Variants in IDE observed in about 807,000 individuals in gnomAD.
The protein encoded by IDE is insulin-degrading enzyme.
A neutral mutation model predicts 133.2 loss-of-function variants in IDE; 58 were observed. The observed-to-expected ratio is 0.44, with a 90% confidence interval of 0.35 to 0.54. The LOEUF (loss-of-function observed/expected upper bound fraction) is 0.54, where lower values mean the gene tolerates loss of function less well. Among genes scored for constraint, IDE ranks in the 20% least tolerant of loss-of-function variants. IDE has a pLI of 0.00. For synonymous variants in IDE, 396 were observed against 421.3 expected (o/e 0.94, Z 0.73); for missense variants, 981 against 1,234.0 (o/e 0.79, Z 3.07).
In IDE at chr10:92,453,912, TA is replaced by T. The variant is rs1456105770; in HGVS notation, c.*531del. 1 of 152,254 alleles carries T rather than the reference TA, an allele frequency of 6.6e-6. No individual in the cohort carries two copies. The highest frequency in any genetic ancestry group is 1.9e-4 in the East Asian group (1 of 5,198). The allele number at this position is 152,254 out of a possible 1,614,324, so 9.4% of individuals were successfully genotyped here. A position where few individuals can be genotyped will look rare whatever the true frequency, so the allele number is the denominator to read the frequency against. Reference sequence around the variant, plus strand: ...AAAAAGATTAAAACCATGCCTTATATAACCAGCATTTCACTAATAAAAGATG... The same window carrying T: ...AAAAAGATTAAAACCATGCCTTATATACCAGCATTTCACTAATAAAAGATG... On this transcript the variant is annotated 3_prime_UTR_variant, in exon 25 of 25. Transcript: ENST00000265986.
At chr10:92,492,933 G>A (rs1847449987) in intron 11 of IDE, among the ~76,000 whole-genome samples, 1 of 152,174 alleles carries the variant, frequency 6.6e-6, no homozygotes, top group Non-Finnish European at 1.5e-5. Flanking sequence ...AAAGCAAGAT[G>A]ACTCACCTGT....
intron 1 of IDE, among the ~76,000 whole-genome samples, chr10:92,558,093 C>A (rs904330803): frequency 3.3e-5 from 5 of 152,110 alleles, no homozygotes; most frequent in African/African-American, 4.8e-5. Flanking sequence ...GCTCTTGTTG[C>A]CCAGGCTGGA....
At position 92,569,402 on chromosome 10, in the gene IDE, G is replaced by A. The variant is rs577529757; in HGVS notation, c.98+4520C>T. ...TGTGATGATAAGAATCAACTAGTAG[G>A]GAGACAGAAGGCTGGAAAAGTCAGT... On this transcript the variant is annotated intron_variant, in intron 1 of 24. Coordinates refer to ENST00000265986, the MANE Select transcript of IDE (RefSeq NM_004969.4). 3.9e-5 allele frequency among the ~76,000 whole-genome samples: 6 copies of A among 152,328 alleles called. No individual in the cohort carries two copies. In the South Asian group the frequency reaches 1.0e-3, roughly 26 times the overall value.
chr10:92,477,788 G>T (rs149802292), intron 15 of IDE, among the ~76,000 whole-genome samples: 61 of 152,242 alleles, frequency 4.0e-4, no homozygotes, highest in African/African-American at 1.5e-3. Context: ...GAAAACAGAT[G>T]ATTACTTTTC....
At chr10:92,482,899 G>C (rs1846703323) in intron 14 of IDE, among the ~76,000 whole-genome samples, 1 of 151,804 alleles carries the variant, frequency 6.6e-6, no homozygotes, top group South Asian at 2.1e-4. Context: ...TCCTGCCTCA[G>C]CCTCCTGAGT....
intron 15 of IDE, 31 bp downstream of exon 15, chr10:92,479,246 G>C: frequency 6.7e-7 from 1 of 1,496,350 alleles, no homozygotes; most frequent in Non-Finnish European, 9.1e-7. Context: ...AAATGTTGAT[G>C]AGTGGAAGGC....
At chr10:92,507,083 A>G (rs1401245040) in intron 9 of IDE, among the ~76,000 whole-genome samples, 4 of 148,516 alleles carry the variant, frequency 2.7e-5, no homozygotes, top group African/African-American at 4.9e-5. Context: ...TAAAAATTTG[A>G]AAGACAAACA....
chr10:92,510,134 C>T lies in IDE; in HGVS notation c.813G>A (p.Val271=). 1.3e-6 allele frequency: 2 copies of T among 1,592,726 alleles called. No individual in the cohort carries two copies. Among genetic ancestry groups the T allele is most frequent in the Non-Finnish European group, 1.7e-6 (2 of 1,162,922 alleles). ...RESLDDLTNL[V]VKLFSEVENK... is the part of the protein sequence containing the mutation. ...TCTCTACTTCAGAAAATAACTTTAC[C>T]ACCAGATTAGTCAAGTCATCTAAAG... Residue 271 remains valine, a synonymous_variant, in exon 6 of 25, where the codon GTG becomes GTA. Coordinates refer to ENST00000265986, the MANE Select transcript of IDE (RefSeq NM_004969.4).
chr10:92,572,879 C>G (rs1373049189), intron 1 of IDE: 1 of 985,134 alleles, frequency 1.0e-6, no homozygotes, highest in East Asian at 1.1e-4. Context: ...ACACACTACC[C>G]ATACTACCCA....
chr10:92,465,166 G>A (rs1845610659), intron 20 of IDE, among the ~76,000 whole-genome samples: 1 of 152,044 alleles, frequency 6.6e-6, no homozygotes, highest in Non-Finnish European at 1.5e-5. Context: ...TTTTTCACTG[G>A]TTCCTTTCTG....
At chr10:92,456,095 C>T (rs1844993606) in intron 23 of IDE, among the ~76,000 whole-genome samples, 1 of 152,170 alleles carries the variant, frequency 6.6e-6, no homozygotes, top group African/African-American at 2.4e-5. Context: ...TGCAGTGGTT[C>T]ATGCAGCCTG....
At chr10:92,519,505 G>A (rs555350368) in intron 4 of IDE, among the ~76,000 whole-genome samples, 1 of 152,356 alleles carries the variant, frequency 6.6e-6, no homozygotes, top group East Asian at 1.9e-4. Context: ...CCTGCTAGGA[G>A]AGAACACTGC....
chr10:92,571,603 A>C (rs1843790862), intron 1 of IDE, among the ~76,000 whole-genome samples: 1 of 152,190 alleles, frequency 6.6e-6, no homozygotes, highest in Non-Finnish European at 1.5e-5. Context: ...ATAATTCCAC[A>C]CAGTCCCAAG....
At chr10:92,539,603 A>C (rs1461122164) in intron 1 of IDE, among the ~76,000 whole-genome samples, 1 of 151,888 alleles carries the variant, frequency 6.6e-6, no homozygotes, top group Admixed American at 6.6e-5. Context: ...GTCTCTACTA[A>C]AAATACAAAA....
In IDE at chr10:92,452,280, C is replaced by T. The variant is rs374054391; in HGVS notation, c.*2164G>A. The T allele has an allele frequency of 6.6e-6, 1 of 152,168 alleles. No homozygotes were observed. Among genetic ancestry groups the T allele is most frequent in the African/African-American group, 2.4e-5 (1 of 41,426 alleles). 9.4% of individuals were successfully genotyped at this position (152,168 alleles called of 1,614,324 possible). A position where few individuals can be genotyped will look rare whatever the true frequency, so the allele number is the denominator to read the frequency against. On this transcript the variant is annotated 3_prime_UTR_variant, in exon 25 of 25. Transcript: ENST00000265986. ...AGGCGATTTATTGTAAACAGGATAA[C>T]CCTAGCACTCCACCATACTGGCTGT...
At position 92,573,991 on chromosome 10, in the gene IDE, T is replaced by TGCAGAAGCCACGCTAGCCGGTACC. The variant is rs1163606692; in HGVS notation, c.5_28dup (p.Arg2_Leu9dup). 2.0e-6 allele frequency: 3 copies of TGCAGAAGCCACGCTAGCCGGTACC among 1,510,508 alleles called. No individual in the cohort carries two copies. Among genetic ancestry groups the TGCAGAAGCCACGCTAGCCGGTACC allele is most frequent in the Non-Finnish European group, 2.7e-6 (3 of 1,131,928 alleles). 93.6% of individuals were successfully genotyped at this position (1,510,508 alleles called of 1,614,324 possible). On this transcript the variant is annotated inframe_insertion, in exon 1 of 25. Transcript: ENST00000265986. ...GCGGAAGGTGCTGGGCAGTGCGGGGTGCAGAAGCCACGCTAGCCGGTACCG... is the reference window on the plus strand; with the variant it reads ...GCGGAAGGTGCTGGGCAGTGCGGGGTGCAGAAGCCACGCTAGCCGGTACCGCAGAAGCCACGCTAGCCGGTACCG...
At chr10:92,513,460 TG>T (rs1278481592) in intron 5 of IDE, among the ~76,000 whole-genome samples, 1 of 152,202 alleles carries the variant, frequency 6.6e-6, no homozygotes, top group Non-Finnish European at 1.5e-5. Context: ...TCCGAAGTGC[TG>T]GAATTACAGG....
chr10:92,479,251 G>A, intron 15 of IDE, 26 bp downstream of exon 15: 1 of 1,530,346 alleles, frequency 6.5e-7, no homozygotes, highest in Non-Finnish European at 8.9e-7. Flanking sequence ...TTGATGAGTG[G>A]AAGGCTCTAA....
At chr10:92,469,185 A>G (rs538952703) in intron 18 of IDE, among the ~76,000 whole-genome samples, 195 bp from the exon 19 acceptor site, 2 of 152,236 alleles carry the variant, frequency 1.3e-5, no homozygotes, top group East Asian at 1.9e-4. Context: ...TGAAAGAAAC[A>G]GACACCCAAA....
Sources: gnomAD v4.1 joint callset for allele counts (sites outside exome capture counted in the v4.1 genomes callset) on GRCh38, gnomAD v4.1.1 for gene constraint, MANE v1.5 for transcripts, NCBI Gene and HGNC (gene_info 2026-07-23, HGNC 2026-07-21) for gene names.